Variants in NBL1 observed in about 807,000 individuals in gnomAD.
NBL1 encodes NBL1, DAN family BMP antagonist, also known as neuroblastoma suppressor of tumorigenicity 1.
A neutral mutation model predicts 16.0 loss-of-function variants in NBL1; 9 were observed. That is an observed-to-expected ratio of 0.56 (90% confidence interval 0.34 to 0.98). NBL1 has a LOEUF of 0.98. Ranked by LOEUF, NBL1 falls within the 50% of genes least tolerant of loss-of-function variation. The pLI, the probability that NBL1 is intolerant of heterozygous loss-of-function variation, is 0.02. For missense variants in NBL1, 196 were observed against 243.1 expected, an observed-to-expected ratio of 0.81 and a Z score of 1.29; for synonymous variants, 86 against 100.7, an observed-to-expected ratio of 0.85 and a Z score of 0.87.
chr1:19,654,937 AG>A (rs1331725899), intron 1 of NBL1, 74 bp from the exon 2 acceptor site: 8 of 1,461,764 alleles, frequency 5.5e-6, no homozygotes, highest in Non-Finnish European at 4.5e-6. Context: ...CGGATGCCAG[AG>A]TCCATGCTGT....
chr1:19,656,086 AC>A (rs1182575109), intron 3 of NBL1, among the ~76,000 whole-genome samples: 1 of 152,060 alleles, frequency 6.6e-6, no homozygotes, highest in East Asian at 1.9e-4. Context: ...GCAGTCTTCC[AC>A]CTGCATCCGG....
chr1:19,654,522 T>C (rs1024272616), intron 1 of NBL1, among the ~76,000 whole-genome samples: 1 of 152,160 alleles, frequency 6.6e-6, no homozygotes, highest in African/African-American at 2.4e-5. Flanking sequence ...GGCCAGCCCC[T>C]CCAGGGCTGT....
At chr1:19,656,736 C>T in intron 3 of NBL1, 130 bp from the exon 4 acceptor site, 1 of 1,409,966 alleles carries the variant, frequency 7.1e-7, no homozygotes, top group Non-Finnish European at 9.3e-7. Context: ...CCATGGGACC[C>T]CAGAGCTAAC....
chr1:19,644,110 C>A, upstream of NBL1: 1 of 974,382 alleles, frequency 1.0e-6, no homozygotes. The surrounding 1 kb of genome is among the most constrained non-coding windows in gnomAD (Gnocchi z 4.6). Context: ...AAGCTCAGCC[C>A]GGGGCGGGCG....
chr1:19,657,387 T>G lies in NBL1; in HGVS notation c.*258T>G. ...TCTTTTTTTGGGGGGGGTGGTCTCT[T>G]CCTGTCTGGCTTCTAGAGATGTGCC... On this transcript the variant is annotated 3_prime_UTR_variant, in exon 4 of 4. Transcript: ENST00000375136. The G allele has an allele frequency of 4.6e-6, 1 of 217,542 alleles. No individual in the cohort carries two copies. The highest frequency in any genetic ancestry group is 8.9e-6 in the Non-Finnish European group (1 of 112,350). The allele number at this position is 217,542 out of a possible 1,614,324, so 13.5% of individuals were successfully genotyped here. A position where few individuals can be genotyped will look rare whatever the true frequency, so the allele number is the denominator to read the frequency against.
intron 1 of NBL1, among the ~76,000 whole-genome samples, chr1:19,647,892 C>T (rs529354018): frequency 7.4e-5 from 11 of 149,536 alleles, no homozygotes; most frequent in East Asian, 1.9e-4. Flanking sequence ...TGCGTGTGCG[C>T]GCGTGTGTGT....
rs959904115 is a variant in NBL1 at position 19,657,014 on chromosome 1, C to T, written c.431C>T (p.Ser144Phe). Residue 144 changes from serine to phenylalanine, a missense_variant, in exon 4 of 4, where the codon TCC becomes TTC. Ser to Phe is a radical substitution (Grantham distance 155). Coordinates refer to ENST00000375136, the MANE Select transcript of NBL1 (RefSeq NM_005380.8). Reference protein sequence around the residue: ...VYVQGEDGPGSQPGTHPHPHP... With the variant: ...VYVQGEDGPGFQPGTHPHPHP... ...GTGCAGGGCGAGGACGGGCCGGGATCCCAGCCCGGCACCCACCCTCACCCC... is the reference window on the plus strand; with the variant it reads ...GTGCAGGGCGAGGACGGGCCGGGATTCCAGCCCGGCACCCACCCTCACCCC... 4.4e-6 allele frequency: 7 copies of T among 1,577,840 alleles called. No individual in the cohort carries two copies. Among genetic ancestry groups the T allele is most frequent in the Non-Finnish European group, 4.3e-6 (5 of 1,162,470 alleles).
chr1:19,647,866 CGTGTGT>C (rs752424046), intron 1 of NBL1, among the ~76,000 whole-genome samples: 8 of 97,760 alleles, frequency 8.2e-5, no homozygotes, highest in Non-Finnish European at 1.8e-4. Context: ...TGTGTGTGTG[CGTGTGT>C]GTGTGTGTGT....
At chr1:19,652,855 G>A (rs888524107) in intron 1 of NBL1, among the ~76,000 whole-genome samples, 1 of 152,108 alleles carries the variant, frequency 6.6e-6, no homozygotes, top group African/African-American at 2.4e-5. Context: ...AGGTGTGGTG[G>A]CGAATGCCTG....
intron 1 of NBL1, among the ~76,000 whole-genome samples, chr1:19,652,733 A>C (rs2095033573): frequency 6.6e-6 from 1 of 152,180 alleles, no homozygotes; most frequent in Non-Finnish European, 1.5e-5. Flanking sequence ...CACACCTGTA[A>C]TCCCAGCACC....
chr1:19,647,880 T>TGTGC (rs1247269913), intron 1 of NBL1, among the ~76,000 whole-genome samples: 2 of 144,240 alleles, frequency 1.4e-5, no homozygotes, highest in African/African-American at 5.5e-5. Context: ...TGTGTGTGTG[T>TGTGC]GTGCGTGTGC....
chr1:19,644,415 AC>A lies in NBL1; in HGVS notation c.-48del. The A allele has an allele frequency of 1.0e-6, 1 of 977,676 alleles. No individual in the cohort carries two copies. The highest frequency in any genetic ancestry group is 1.2e-6 in the Non-Finnish European group (1 of 827,136). 60.6% of individuals were successfully genotyped at this position (977,676 alleles called of 1,614,324 possible). On this transcript the variant is annotated 5_prime_UTR_variant, in exon 1 of 4. Transcript: ENST00000375136. The surrounding 1 kb of genome is among the most constrained non-coding windows in gnomAD (Gnocchi z 4.6). ...GGGCGCCCGGGCCCGCGACCCCCGC[AC>A]CCAGCTCCGCAGGACCGGCGGGCGC...
At chr1:19,645,122 G>C (rs530520910) in intron 1 of NBL1, among the ~76,000 whole-genome samples, 1 of 152,296 alleles carries the variant, frequency 6.6e-6, no homozygotes, top group South Asian at 2.1e-4. Flanking sequence ...CAGTGTCGGA[G>C]GCTCGCCTTC....
chr1:19,653,871 C>G (rs762403106), intron 1 of NBL1, among the ~76,000 whole-genome samples: 22 of 152,236 alleles, frequency 1.4e-4, no homozygotes, highest in Non-Finnish European at 2.9e-4. Flanking sequence ...GCAGCGCCAC[C>G]TTTTGGCAGA....
At chr1:19,656,491 G>T (rs1308602396) in intron 3 of NBL1, among the ~76,000 whole-genome samples, 1 of 151,978 alleles carries the variant, frequency 6.6e-6, no homozygotes, top group Non-Finnish European at 1.5e-5. Context: ...TGGTAAGAGT[G>T]GTGCAGGGTC....
At chr1:19,647,893 GCGTGTGTGTGCGTGCT>G (rs2094993526) in intron 1 of NBL1, among the ~76,000 whole-genome samples, 2 of 100,426 alleles carry the variant, frequency 2.0e-5, no homozygotes, top group Non-Finnish European at 4.1e-5. Context: ...GCGTGTGCGC[GCGTGTGTGTGCGTGCT>G]TGTGCGGATG....
In NBL1 at chr1:19,644,406, G is replaced by A; in HGVS notation, c.-60G>A. The A allele has an allele frequency of 1.0e-6, 1 of 978,754 alleles. No individual in the cohort carries two copies. Among genetic ancestry groups the A allele is most frequent in the Non-Finnish European group, 1.2e-6 (1 of 827,350 alleles). 60.6% of individuals were successfully genotyped at this position (978,754 alleles called of 1,614,324 possible). A position where few individuals can be genotyped will look rare whatever the true frequency, so the allele number is the denominator to read the frequency against. ...AGCCTCCTGGGGCGCCCGGGCCCGCGACCCCCGCACCCAGCTCCGCAGGAC... is the reference window on the plus strand; with the variant it reads ...AGCCTCCTGGGGCGCCCGGGCCCGCAACCCCCGCACCCAGCTCCGCAGGAC... On this transcript the variant is annotated 5_prime_UTR_variant, in exon 1 of 4. Transcript: ENST00000375136. The surrounding 1 kb of genome is among the most constrained non-coding windows in gnomAD (Gnocchi z 4.6).
intron 1 of NBL1, among the ~76,000 whole-genome samples, chr1:19,651,983 T>C (rs537114210): frequency 2.0e-5 from 3 of 152,174 alleles, no homozygotes; most frequent in Non-Finnish European, 4.4e-5. Flanking sequence ...GTTCAAGTGG[T>C]CCTCCCGCTT....
intron 1 of NBL1, chr1:19,645,328 G>A (rs1260042928): frequency 5.1e-6 from 5 of 983,950 alleles, no homozygotes; most frequent in Admixed American, 1.2e-4. Context: ...GCCCTGCTGC[G>A]GGCCACCTGC....
Sources: gnomAD v4.1 joint callset for allele counts (sites outside exome capture counted in the v4.1 genomes callset) on GRCh38, gnomAD v4.1.1 for gene constraint, Gnocchi (gnomAD v3.1) non-coding constraint, MANE v1.5 for transcripts, NCBI Gene and HGNC (gene_info 2026-07-23, HGNC 2026-07-21) for gene names.